SORBS2: variants seen among roughly 807,000 people sequenced by gnomAD.
SORBS2 encodes sorbin and SH3 domain containing 2, also known as sorbin and SH3 domain-containing protein 2.
SORBS2 carries 46 observed loss-of-function variants against 97.7 expected under a neutral mutation model. The observed-to-expected ratio is 0.47, with a 90% confidence interval of 0.37 to 0.60. The LOEUF is 0.60. Ranked by LOEUF, SORBS2 falls within the 20% of genes least tolerant of loss-of-function variation. The probability of loss-of-function intolerance (pLI) is 0.00; values close to 1 mark genes in which losing one functional copy is unlikely to be tolerated. For missense variants in SORBS2, 1,316 were observed against 1,282.3 expected (o/e 1.03, Z -0.40); for synonymous variants, 476 against 473.4 (o/e 1.01, Z -0.07).
chr4:185,694,192 C>T (rs1390593360), intron 2 of SORBS2, among the ~76,000 whole-genome samples: 1 of 152,170 alleles, frequency 6.6e-6, no homozygotes, highest in African/African-American at 2.4e-5. Context: ...CAAACTAAAG[C>T]GAATCTAATC....
intron 2 of SORBS2, among the ~76,000 whole-genome samples, chr4:185,706,954 G>A (rs560082328): frequency 3.3e-5 from 5 of 152,106 alleles, no homozygotes; most frequent in African/African-American, 4.8e-5. Context: ...CTATATTGGA[G>A]AGTTCTGTCA....
intron 1 of SORBS2, among the ~76,000 whole-genome samples, chr4:185,903,773 C>T (rs1016603536): frequency 1.3e-5 from 2 of 152,138 alleles, no homozygotes; most frequent in African/African-American, 4.8e-5. Flanking sequence ...TGCACGATAA[C>T]CTTGAAACTT....
intron 1 of SORBS2, among the ~76,000 whole-genome samples, chr4:185,794,633 G>C (rs960215644): frequency 6.6e-6 from 1 of 152,038 alleles, no homozygotes; most frequent in Non-Finnish European, 1.5e-5. Flanking sequence ...AAGCATCCAT[G>C]TTGGATGCTT....
chr4:185,778,852 G>C (rs1410712170), intron 1 of SORBS2, among the ~76,000 whole-genome samples: 2 of 150,858 alleles, frequency 1.3e-5, no homozygotes, highest in Non-Finnish European at 2.9e-5. Context: ...ACAATTGTTA[G>C]AACTGGTGAG....
chr4:185,598,448 G>C (rs555171830), intron 12 of SORBS2, among the ~76,000 whole-genome samples: 1 of 152,284 alleles, frequency 6.6e-6, no homozygotes, highest in South Asian at 2.1e-4. Context: ...AAACATCATG[G>C]AGTCTGTAAC....
At chr4:185,646,669 G>T in exon 4 of SORBS2, 1 of 1,590,254 alleles carries the variant, frequency 6.3e-7, no homozygotes, top group Non-Finnish European at 8.6e-7. Flanking sequence ...AGTGCTTACT[G>T]GTCTTTCATG....
intron 2 of SORBS2, among the ~76,000 whole-genome samples, chr4:185,726,977 G>A (rs1197006004): frequency 6.6e-6 from 1 of 152,114 alleles, no homozygotes; most frequent in Non-Finnish European, 1.5e-5. Context: ...ATATTTACTT[G>A]AGGCTATTAC....
rs1385495079 is a variant in SORBS2 at position 185,684,863 on chromosome 4, G to T, written c.-197-6041C>A. The T allele has an allele frequency of 1.3e-6, 2 of 1,547,344 alleles. No individual in the cohort carries two copies. Among genetic ancestry groups the T allele is most frequent in the Admixed American group, 2.0e-5 (1 of 50,954 alleles). On this transcript the variant is annotated intron_variant, in intron 2 of 20. Transcript: ENST00000284776. The surrounding 1 kb of genome is among the most constrained non-coding windows in gnomAD (Gnocchi z 4.2). ...CACCGCTATCTGGAAGCAAAAAAATGATATAGCAGAGGCCAAGGCAACGGG... is the reference window on the plus strand; with the variant it reads ...CACCGCTATCTGGAAGCAAAAAAATTATATAGCAGAGGCCAAGGCAACGGG...
chr4:185,779,753 T>C (rs901077988), intron 1 of SORBS2, among the ~76,000 whole-genome samples: 1 of 152,340 alleles, frequency 6.6e-6, no homozygotes, highest in Non-Finnish European at 1.5e-5. Flanking sequence ...CTGGTCCCTG[T>C]CATTCTAGTG....
intron 2 of SORBS2, among the ~76,000 whole-genome samples, chr4:185,694,112 C>T (rs538161053): frequency 2.0e-4 from 30 of 152,310 alleles, no homozygotes; most frequent in Non-Finnish European, 4.0e-4. Flanking sequence ...TAAAAATGCA[C>T]GATTCTATTT....
At chr4:185,825,219 T>TG (rs1554037106) in intron 1 of SORBS2, among the ~76,000 whole-genome samples, 2,341 of 151,746 alleles carry the variant, frequency 0.015, 33 homozygotes, top group East Asian at 0.048. Context: ...TTTGTTTTTT[T>TG]TTTTACTGTA....
intron 1 of SORBS2, among the ~76,000 whole-genome samples, chr4:185,864,482 AT>A (rs1339352011): frequency 4.6e-5 from 7 of 152,248 alleles, no homozygotes; most frequent in Non-Finnish European, 7.3e-5. Context: ...TTACTATTAC[AT>A]TTGAAGATTT....
intron 2 of SORBS2, among the ~76,000 whole-genome samples, chr4:185,726,722 G>T (rs983094687): frequency 1.1e-4 from 17 of 151,744 alleles, no homozygotes; most frequent in African/African-American, 4.1e-4. Flanking sequence ...TTCTTACACG[G>T]TTTGTTCTAC....
At chr4:185,766,777 C>T (rs1303892038) in intron 2 of SORBS2, among the ~76,000 whole-genome samples, 2 of 152,168 alleles carry the variant, frequency 1.3e-5, no homozygotes, top group African/African-American at 4.8e-5. Context: ...TAAACCAATT[C>T]AGATTTGTAC....
chr4:185,780,374 C>G (rs1252633081), intron 1 of SORBS2, among the ~76,000 whole-genome samples: 1 of 152,088 alleles, frequency 6.6e-6, no homozygotes, highest in Non-Finnish European at 1.5e-5. Flanking sequence ...GAAGCATATG[C>G]AAGAAAAATA....
chr4:185,787,402 ATCT>A (rs1355892359), intron 1 of SORBS2, among the ~76,000 whole-genome samples: 8 of 152,236 alleles, frequency 5.3e-5, no homozygotes, highest in African/African-American at 1.9e-4. Flanking sequence ...AAAAGACAAC[ATCT>A]TCTTCACACA....
intron 7 of SORBS2, 94 bp from the exon 20 acceptor site, chr4:185,620,245 C>T: frequency 1.2e-6 from 1 of 823,858 alleles, no homozygotes; most frequent in East Asian, 2.4e-5. Context: ...TACTTTTTTC[C>T]CCAAATTTGG....
intron 1 of SORBS2, among the ~76,000 whole-genome samples, chr4:185,887,960 ATG>A (rs60130240): frequency 0.022 from 863 of 38,362 alleles, 3 homozygotes; most frequent in Non-Finnish European, 0.045. Context: ...GTATATATAT[ATG>A]TGTGTGTGTG....
At chr4:185,884,894 T>C (rs1462142684) in intron 1 of SORBS2, among the ~76,000 whole-genome samples, 1 of 152,176 alleles carries the variant, frequency 6.6e-6, no homozygotes, top group Admixed American at 6.5e-5. Context: ...ATTTTAGTAA[T>C]CAAGTTACAG....
Sources: allele counts gnomAD v4.1 joint callset (sites outside exome capture counted in the v4.1 genomes callset), GRCh38; gene constraint gnomAD v4.1.1; non-coding constraint Gnocchi (gnomAD v3.1); transcripts MANE v1.5; gene names NCBI Gene and HGNC (gene_info 2026-07-23, HGNC 2026-07-21).